ATP9B: variants seen among roughly 807,000 people sequenced by gnomAD.
ATP9B encodes probable phospholipid-transporting ATPase IIB.
ATP9B carries 110 observed loss-of-function variants against 146.1 expected under a neutral mutation model. The ratio of observed to expected loss-of-function variants is 0.75; its 90% CI spans 0.65 to 0.88. The LOEUF is 0.88. Among genes scored for constraint, ATP9B ranks in the 40% least tolerant of loss-of-function variants. The probability of loss-of-function intolerance (pLI) is 0.00; values close to 1 mark genes in which losing one functional copy is unlikely to be tolerated. For synonymous variants in ATP9B, 604 were observed against 569.7 expected, an observed-to-expected ratio of 1.06 and a Z score of -0.86; for missense variants, 1,499 against 1,496.4, an observed-to-expected ratio of 1.00 and a Z score of -0.03.
intron 4 of ATP9B, among the ~76,000 whole-genome samples, chr18:79,123,250 A>G (rs2094220395): frequency 6.6e-6 from 1 of 152,214 alleles, no homozygotes; most frequent in Non-Finnish European, 1.5e-5. Context: ...TGAACATACA[A>G]AAGTCACTTG....
chr18:79,288,709 T>C (rs920613585), intron 13 of ATP9B, among the ~76,000 whole-genome samples: 1 of 152,254 alleles, frequency 6.6e-6, no homozygotes, highest in African/African-American at 2.4e-5. Flanking sequence ...CTTCGTAGAC[T>C]TGATGGTCTT....
At chr18:79,231,217 G>A (rs892445571) in intron 11 of ATP9B, among the ~76,000 whole-genome samples, 17 of 152,044 alleles carry the variant, frequency 1.1e-4, no homozygotes, top group African/African-American at 4.1e-4. Flanking sequence ...ACAACCCACA[G>A]AGTGGAAGAA....
chr18:79,248,960 C>T (rs1259474413), intron 11 of ATP9B, among the ~76,000 whole-genome samples: 3 of 151,882 alleles, frequency 2.0e-5, no homozygotes, highest in Non-Finnish European at 4.4e-5. Flanking sequence ...TCCAATTTGC[C>T]GTGTACATTG....
chr18:79,362,375 G>A (rs1169078073), intron 26 of ATP9B: 1 of 152,206 alleles, frequency 6.6e-6, no homozygotes, highest in Non-Finnish European at 1.5e-5. Context: ...ATAAACAAAT[G>A]AGGCAGTGAA....
chr18:79,199,079 G>A (rs2095442054), intron 9 of ATP9B, among the ~76,000 whole-genome samples: 1 of 151,994 alleles, frequency 6.6e-6, no homozygotes. Context: ...AGCCTCCTGA[G>A]TAGCTGGGAT....
intron 7 of ATP9B, among the ~76,000 whole-genome samples, chr18:79,176,542 A>G (rs1033804146): frequency 6.6e-6 from 1 of 152,248 alleles, no homozygotes; most frequent in Non-Finnish European, 1.5e-5. Flanking sequence ...AAGGCTGATT[A>G]ATGTTAAACC....
chr18:79,273,580 G>C (rs2096277609), intron 12 of ATP9B, among the ~76,000 whole-genome samples: 1 of 152,244 alleles, frequency 6.6e-6, no homozygotes, highest in South Asian at 2.1e-4. Flanking sequence ...ATTTCAGGTA[G>C]TTTCATTCCC....
chr18:79,077,250 T>C (rs2072731065), intron 1 of ATP9B, among the ~76,000 whole-genome samples: 1 of 152,292 alleles, frequency 6.6e-6, no homozygotes, highest in Middle Eastern at 3.4e-3. Flanking sequence ...AATCTTCTGC[T>C]TATCGGGCCT....
rs1393498422 is a variant in ATP9B, at chr18:79,356,497, G to A, written c.2904-2857G>A. Among the ~76,000 whole-genome samples the A allele has an allele frequency of 3.3e-5, 5 of 152,304 alleles. No homozygotes were observed. In the East Asian group the frequency reaches 5.8e-4, roughly 18 times the overall value. ...GGACCAACCCAGATGTAACTTCAGT[G>A]GTTAAGCACACTGTGGTTCATTTGC... On this transcript the variant is annotated intron_variant, in intron 25 of 29. Coordinates refer to ENST00000426216, the MANE Select transcript of ATP9B (RefSeq NM_198531.5).
chr18:79,321,987 A>T (rs1246096792), intron 15 of ATP9B, among the ~76,000 whole-genome samples: 2 of 152,172 alleles, frequency 1.3e-5, no homozygotes, highest in African/African-American at 2.4e-5. Flanking sequence ...GTGGAGAAGA[A>T]GTTTTATTGG....
chr18:79,228,753 G>A (rs2148554354), intron 11 of ATP9B, among the ~76,000 whole-genome samples: 1 of 152,214 alleles, frequency 6.6e-6, no homozygotes, highest in South Asian at 2.1e-4. Flanking sequence ...AAGCTGGCTG[G>A]ACATGGTTCG....
chr18:79,173,767 C>T (rs2095116633), intron 7 of ATP9B: 1 of 455,656 alleles, frequency 2.2e-6, no homozygotes, highest in South Asian at 1.6e-5. Context: ...TGATTTCTCC[C>T]ATTTTTTCTT....
chr18:79,355,175 A>G (rs2096944108), intron 25 of ATP9B, among the ~76,000 whole-genome samples: 1 of 152,244 alleles, frequency 6.6e-6, no homozygotes, highest in Admixed American at 6.5e-5. Flanking sequence ...CCACCAGAGC[A>G]GGGTCAGCAC....
At chr18:79,077,818 A>G (rs2072798049) in intron 1 of ATP9B, among the ~76,000 whole-genome samples, 2 of 152,276 alleles carry the variant, frequency 1.3e-5, no homozygotes, top group South Asian at 4.1e-4. Context: ...CCCAATCTGT[A>G]TTTTGTTCCT....
At chr18:79,100,385 CTTTCTTTTGGTTAATTTTGGAGTGTG>C (rs1276357968) in intron 2 of ATP9B, among the ~76,000 whole-genome samples, 2 of 152,058 alleles carry the variant, frequency 1.3e-5, no homozygotes, top group Non-Finnish European at 2.9e-5. Flanking sequence ...GTGGATGTGT[CTTTCTTTTGGTTAATTTTGGAGTGTG>C]TTATTAGATG....
At chr18:79,221,135 C>G in intron 11 of ATP9B, among the ~76,000 whole-genome samples, 1 of 152,312 alleles carries the variant, frequency 6.6e-6, no homozygotes, top group South Asian at 2.1e-4. Flanking sequence ...ACTGTGTGGC[C>G]GAGACCAGGC....
At chr18:79,303,809 C>A in intron 14 of ATP9B, 93 bp downstream of exon 14, 1 of 797,562 alleles carries the variant, frequency 1.3e-6, no homozygotes, top group Non-Finnish European at 2.0e-6. Context: ...TGTAAATTAG[C>A]ACGCTTCTTG....
chr18:79,253,960 G>A (rs2096054900), intron 12 of ATP9B: 1 of 154,288 alleles, frequency 6.5e-6, no homozygotes. Context: ...AAAATATTAA[G>A]GCTGTGTTTT....
At position 79,314,011 on chromosome 18, in the gene ATP9B, AT is replaced by A. The variant is rs570107904; in HGVS notation, c.1773+6778del. Among the ~76,000 whole-genome samples the A allele has an allele frequency of 2.5e-3, 381 of 152,328 alleles. 1 individual carries two copies. The highest frequency in any genetic ancestry group is 7.4e-3 in the African/African-American group (308 of 41,580). ...AACTTTGCTGCAGTTAGGTTGACGGATGATAGTAGTGTTTCCCGATCACCAA... is the reference window on the plus strand; with the variant it reads ...AACTTTGCTGCAGTTAGGTTGACGGAGATAGTAGTGTTTCCCGATCACCAA... On this transcript the variant is annotated intron_variant, in intron 15 of 29. Coordinates refer to ENST00000426216, the MANE Select transcript of ATP9B (RefSeq NM_198531.5).
Sources: gnomAD v4.1 joint callset for allele counts (sites outside exome capture counted in the v4.1 genomes callset) on GRCh38, gnomAD v4.1.1 for gene constraint, MANE v1.5 for transcripts, NCBI Gene and HGNC (gene_info 2026-07-23, HGNC 2026-07-21) for gene names.